GLRB: variants seen among roughly 807,000 people sequenced by gnomAD.
The protein encoded by GLRB is glycine receptor beta, also known as glycine receptor subunit beta.
GLRB carries 33 observed loss-of-function variants against 54.2 expected under a neutral mutation model. The observed-to-expected ratio is 0.61, with a 90% CI of 0.46 to 0.81. GLRB has a LOEUF of 0.81. Ranked by LOEUF, GLRB falls within the 40% of genes least tolerant of loss-of-function variation. GLRB has a pLI of 0.00. For missense variants in GLRB, 572 were observed against 584.6 expected, an observed-to-expected ratio of 0.98 and a Z score of 0.22; for synonymous variants, 209 against 208.2, an observed-to-expected ratio of 1.00 and a Z score of -0.03.
chr4:157,082,329 C>A (rs1018722139), intron 2 of GLRB, among the ~76,000 whole-genome samples: 1 of 152,110 alleles, frequency 6.6e-6, no homozygotes, highest in Non-Finnish European at 1.5e-5. Context: ...ATACATAATA[C>A]AGTATGATAA....
In GLRB at chr4:157,171,238, A is replaced by G. The variant is rs1399267742; in HGVS notation, c.*510A>G. ...AAGTAGAAATATATCTGTTATAATT[A>G]TACAGGCTCTGTGGAGAAATAAAGT... is the stretch of plus-strand genomic sequence containing the variant. On this transcript the variant is annotated 3_prime_UTR_variant, in exon 10 of 10. Transcript: ENST00000264428. 6.6e-6 allele frequency: 1 copy of G among 152,386 alleles called. No individual in the cohort carries two copies. The highest frequency in any genetic ancestry group is 2.4e-5 in the African/African-American group (1 of 41,458). The allele number at this position is 152,386 out of a possible 1,614,324, so 9.4% of individuals were successfully genotyped here. A position where few individuals can be genotyped will look rare whatever the true frequency, so the allele number is the denominator to read the frequency against.
intron 2 of GLRB, among the ~76,000 whole-genome samples, chr4:157,115,765 A>C (rs1030897537): frequency 2.0e-5 from 3 of 151,904 alleles, no homozygotes; most frequent in Non-Finnish European, 4.4e-5. Flanking sequence ...GCCTTAGAGC[A>C]TGAGAAATGA....
chr4:157,099,616 G>A (rs958841200), intron 2 of GLRB, among the ~76,000 whole-genome samples: 3 of 152,164 alleles, frequency 2.0e-5, no homozygotes, highest in Admixed American at 1.3e-4. Flanking sequence ...GATTACAGAT[G>A]TGAGCCACTT....
rs1172995361 is a variant in GLRB at position 157,120,806 on chromosome 4, T to A, written c.229+144T>A. 4 of 514,724 alleles carry A rather than the reference T, an allele frequency of 7.8e-6. No homozygotes were observed. In the Admixed American group the frequency reaches 1.1e-4, roughly 14 times the overall value. The allele number at this position is 514,724 out of a possible 1,614,324, so 31.9% of individuals were successfully genotyped here. ...AAGTGATATATAACAAAAATGTCCTTAAGTTCAGAACAATTCAATGCCTAA... is the reference window on the plus strand; with the variant it reads ...AAGTGATATATAACAAAAATGTCCTAAAGTTCAGAACAATTCAATGCCTAA... On this transcript the variant is annotated intron_variant, in intron 3 of 9. Transcript: ENST00000264428.
intron 4 of GLRB, among the ~76,000 whole-genome samples, chr4:157,129,205 A>G (rs527428264): frequency 1.3e-5 from 2 of 151,952 alleles, no homozygotes; most frequent in South Asian, 4.1e-4. Context: ...AACAATGAAT[A>G]GTATTTGTCA....
intron 8 of GLRB, among the ~76,000 whole-genome samples, chr4:157,151,199 T>C (rs1221357683): frequency 6.6e-6 from 1 of 152,150 alleles, no homozygotes; most frequent in African/African-American, 2.4e-5. Context: ...CAAAATAGTT[T>C]ATCTCAAGGA....
chr4:157,107,598 A>C (rs1006210372), intron 2 of GLRB, among the ~76,000 whole-genome samples: 2 of 152,066 alleles, frequency 1.3e-5, no homozygotes, highest in Non-Finnish European at 2.9e-5. Context: ...GGCTAAGAGA[A>C]GTAAGGAAGC....
intron 9 of GLRB, among the ~76,000 whole-genome samples, chr4:157,154,299 T>C (rs1033884725): frequency 2.0e-5 from 3 of 152,208 alleles, no homozygotes; most frequent in African/African-American, 4.8e-5. Flanking sequence ...CATTCTCTTA[T>C]GTTTGAATTG....
intron 2 of GLRB, among the ~76,000 whole-genome samples, chr4:157,103,456 A>T (rs926778531): frequency 2.6e-5 from 4 of 152,236 alleles, no homozygotes; most frequent in Non-Finnish European, 5.9e-5. Context: ...AACATAGTTT[A>T]TACTTCAAGC....
intron 2 of GLRB, among the ~76,000 whole-genome samples, chr4:157,102,887 C>A (rs559631661): frequency 6.6e-6 from 1 of 152,252 alleles, no homozygotes; most frequent in East Asian, 1.9e-4. Flanking sequence ...GAAGTAGGGG[C>A]TGGGGGCAGT....
intron 7 of GLRB, among the ~76,000 whole-genome samples, chr4:157,142,155 G>T (rs1389502803): frequency 6.6e-6 from 1 of 151,968 alleles, no homozygotes; most frequent in Non-Finnish European, 1.5e-5. Flanking sequence ...TTGAAATATT[G>T]CACATGATTG....
chr4:157,128,292 C>A (rs911503873), intron 4 of GLRB, among the ~76,000 whole-genome samples: 35 of 151,794 alleles, frequency 2.3e-4, no homozygotes, highest in African/African-American at 8.2e-4. Flanking sequence ...TGGATACTTT[C>A]CTCATTACCT....
At position 157,163,522 on chromosome 4, in the gene GLRB, G is replaced by A. The variant is rs79995781; in HGVS notation, c.1198-6910G>A. 6.2e-3 allele frequency among the ~76,000 whole-genome samples: 943 copies of A among 152,290 alleles called. 21 individuals are homozygous for A. In the East Asian group the frequency reaches 0.1, roughly 16 times the overall value. On this transcript the variant is annotated intron_variant, in intron 9 of 9. Coordinates refer to ENST00000264428, the MANE Select transcript of GLRB (RefSeq NM_000824.5). Reference sequence around the variant, plus strand: ...CCTCTTGGACATTGCTGGCATGTCCGTTGGGGTGGGGTGGGAGCACATTTT... The same window carrying A: ...CCTCTTGGACATTGCTGGCATGTCCATTGGGGTGGGGTGGGAGCACATTTT...
At chr4:157,168,927 C>T (rs1417630160) in intron 9 of GLRB, among the ~76,000 whole-genome samples, 1 of 151,952 alleles carries the variant, frequency 6.6e-6, no homozygotes, top group East Asian at 1.9e-4. Flanking sequence ...CTTTGTCAGT[C>T]ACTTTATCTT....
intron 9 of GLRB, among the ~76,000 whole-genome samples, chr4:157,161,369 C>T (rs1354200246): frequency 6.6e-6 from 1 of 152,166 alleles, no homozygotes; most frequent in African/African-American, 2.4e-5. Flanking sequence ...TTGATCCTGT[C>T]ATTATGAAGT....
chr4:157,117,210 G>T (rs1215154354), intron 2 of GLRB, among the ~76,000 whole-genome samples: 1 of 151,590 alleles, frequency 6.6e-6, no homozygotes, highest in Non-Finnish European at 1.5e-5. Flanking sequence ...TGTATGGATG[G>T]TAATAAGAAG....
chr4:157,139,850 G>A (rs1736545695), intron 7 of GLRB, among the ~76,000 whole-genome samples: 1 of 151,860 alleles, frequency 6.6e-6, no homozygotes, highest in Non-Finnish European at 1.5e-5. Context: ...AATATATATA[G>A]TATAATTGTG....
Position 157,152,924 on chromosome 4 carries a change from G to A in GLRB, c.1111G>A (p.Glu371Lys), listed in dbSNP as rs1355064370. Residue 371 changes from glutamate to lysine, a missense_variant, in exon 9 of 10, where the codon GAG (glutamate) becomes AAG (lysine). Physicochemically the swap from Glu to Lys is moderately conservative, Grantham distance 56 (BLOSUM62 1). Coordinates refer to ENST00000264428, the MANE Select transcript of GLRB (RefSeq NM_000824.5). ...EAEKARIAKA[E>K]QADGKGGNVA... ...TGAAAAAGCCAGAATTGCTAAGGCT[G>A]AGCAAGCAGATGGAAAAGGTGGAAA... is the stretch of plus-strand genomic sequence containing the variant. 6.2e-7 allele frequency: 1 copy of A among 1,613,840 alleles called. No individual in the cohort carries two copies. The highest frequency in any genetic ancestry group is 8.5e-7 in the Non-Finnish European group (1 of 1,179,896).
At chr4:157,115,096 A>G (rs1359735945) in intron 2 of GLRB, among the ~76,000 whole-genome samples, 2 of 151,772 alleles carry the variant, frequency 1.3e-5, no homozygotes, top group Non-Finnish European at 2.9e-5. Flanking sequence ...CCATTTATTC[A>G]ATTCTTATTT....
Sources: allele counts gnomAD v4.1 joint callset (sites outside exome capture counted in the v4.1 genomes callset), GRCh38; gene constraint gnomAD v4.1.1; transcripts MANE v1.5; gene names NCBI Gene and HGNC (gene_info 2026-07-23, HGNC 2026-07-21).